The following MYZAP variants were observed in gnomAD, a reference collection of about 807,000 sequenced individuals.
MYZAP encodes the protein GRINL1A complex locus upstream.
A neutral mutation model predicts 69.4 loss-of-function variants in MYZAP; 66 were observed. That is an observed-to-expected ratio of 0.95 (90% CI 0.78 to 1.17). MYZAP has a LOEUF of 1.17. MYZAP is among the 50% of genes most tolerant of loss of function. MYZAP has a pLI of 0.00. For missense variants in MYZAP, 611 were observed against 556.2 expected (o/e 1.10, Z -0.99); for synonymous variants, 256 against 205.9 (o/e 1.24, Z -2.09).
intron 1 of MYZAP, chr15:57,599,573 C>G (rs2034282662): frequency 1.6e-6 from 2 of 1,286,220 alleles, no homozygotes; most frequent in African/African-American, 3.0e-5. Context: ...CCTGAACCAG[C>G]TGCTTTGGGA....
At chr15:57,593,188 G>GCATGCGCGCGCGCGCGCGCGCGCACACA in intron 1 of MYZAP, among the ~76,000 whole-genome samples, 8 of 114,152 alleles carry the variant, frequency 7.0e-5, no homozygotes, top group African/African-American at 2.7e-4. Context: ...GTACACAGGC[G>GCATGCGCGCGCGCGCGCGCGCGCACACA]CACACACACA....
At chr15:57,664,895 G>A (rs985081646) in intron 11 of MYZAP, among the ~76,000 whole-genome samples, 1 of 152,198 alleles carries the variant, frequency 6.6e-6, no homozygotes, top group African/African-American at 2.4e-5. Context: ...TCTCTGTGAA[G>A]TGGCATCCTC....
chr15:57,666,095 T>G (rs947633678), intron 11 of MYZAP, among the ~76,000 whole-genome samples: 1 of 152,244 alleles, frequency 6.6e-6, no homozygotes, highest in African/African-American at 2.4e-5. Flanking sequence ...AATTCTTTCT[T>G]AATTACTCAA....
chr15:57,637,230 T>C (rs1284983245), intron 8 of MYZAP, among the ~76,000 whole-genome samples: 1 of 152,230 alleles, frequency 6.6e-6, no homozygotes, highest in Non-Finnish European at 1.5e-5. Flanking sequence ...TGGACATCTT[T>C]GGAGGGCCAT....
intron 2 of MYZAP, among the ~76,000 whole-genome samples, chr15:57,612,926 G>A (rs1306242390): frequency 6.6e-6 from 1 of 151,916 alleles, no homozygotes. Flanking sequence ...CTTTAATTAA[G>A]CCTTTTATTT....
At position 57,608,797 on chromosome 15, in the gene MYZAP, G is replaced by A. The variant is rs914873994; in HGVS notation, c.162+4442G>A. ...ACCTTCTGGAGTTATTCTCCTGCCT[G>A]AAGCTGCCTGTCTTTATTTTCCAAA... On this transcript the variant is annotated intron_variant, in intron 2 of 12. Coordinates refer to ENST00000267853, the MANE Select transcript of MYZAP (RefSeq NM_001018100.5). 3.9e-5 allele frequency among the ~76,000 whole-genome samples: 6 copies of A among 152,302 alleles called. No homozygotes were observed. The East Asian group carries it at 9.7e-4, about 25-fold the overall frequency.
intron 10 of MYZAP, chr15:57,646,255 G>C (rs2037441355): frequency 1.4e-5 from 18 of 1,288,164 alleles, no homozygotes; most frequent in Non-Finnish European, 1.8e-5. Flanking sequence ...AAGAACACTT[G>C]TACACTCTCT....
chr15:57,675,082 T>A lies in MYZAP; in HGVS notation c.1304+14T>A, dbSNP rs1036329823. ...TCTTCTACCCAGGTATTTAGGAATT[T>A]CCTGATTTTTTTTTTTATTCAAATT... On this transcript the variant is annotated intron_variant, in intron 12 of 12. Transcript: ENST00000267853. 1 of 1,523,044 alleles carries A rather than the reference T, an allele frequency of 6.6e-7. No homozygotes were observed. Among genetic ancestry groups the A allele is most frequent in the African/African-American group, 1.5e-5 (1 of 65,306 alleles). 94.3% of individuals were successfully genotyped at this position (1,523,044 alleles called of 1,614,324 possible). A position where few individuals can be genotyped will look rare whatever the true frequency, so the allele number is the denominator to read the frequency against.
rs143998851 is a variant in MYZAP at position 57,611,182 on chromosome 15, C to G, written c.162+6827C>G. ...TGCCCACTGAAATTGGTGGTATGAT[C>G]CCCATTTTAGTGTTAAGGACCCTGA... On this transcript the variant is annotated intron_variant, in intron 2 of 12. Coordinates refer to ENST00000267853, the MANE Select transcript of MYZAP (RefSeq NM_001018100.5). Among the ~76,000 whole-genome samples the G allele has an allele frequency of 2.2e-3, 330 of 152,196 alleles. 2 individuals are homozygous for G. Among genetic ancestry groups the G allele is most frequent in the African/African-American group, 7.2e-3 (300 of 41,502 alleles).
At chr15:57,670,035 A>G (rs1292500851) in intron 11 of MYZAP, among the ~76,000 whole-genome samples, 3 of 152,224 alleles carry the variant, frequency 2.0e-5, no homozygotes, top group East Asian at 1.9e-4. Flanking sequence ...GACTTATTTT[A>G]TGGCTCAGCA....
intron 1 of MYZAP, among the ~76,000 whole-genome samples, chr15:57,594,868 A>G (rs2033952943): frequency 6.6e-6 from 1 of 152,228 alleles, no homozygotes; most frequent in Admixed American, 6.5e-5. Flanking sequence ...CCTTTCATTG[A>G]AAGTTGTTCA....
rs1326386407 is a variant in MYZAP, at chr15:57,604,286, A to C, written c.93A>C (p.Leu31=). 6.2e-7 allele frequency: 1 copy of C among 1,614,080 alleles called. No individual in the cohort carries two copies. The highest frequency in any genetic ancestry group is 8.5e-7 in the Non-Finnish European group (1 of 1,180,044). ...APSRRANVCR[L]RLTVPPESPV... Reference sequence around the variant, plus strand: ...TCTTCTAGGCAAATGTTTGCAGACTACGGCTGACCGTACCTCCTGAGAGTC... The same window carrying C: ...TCTTCTAGGCAAATGTTTGCAGACTCCGGCTGACCGTACCTCCTGAGAGTC... Residue 31 remains leucine (L), a synonymous_variant, in exon 2 of 13, where the codon CTA becomes CTC. Transcript: ENST00000267853.
At chr15:57,614,532 C>T (rs1043845531) in intron 2 of MYZAP, among the ~76,000 whole-genome samples, 1 of 149,490 alleles carries the variant, frequency 6.7e-6, no homozygotes, top group African/African-American at 2.5e-5. Flanking sequence ...ATCGAGGGAA[C>T]AGCATGTGTG....
Position 57,658,738 on chromosome 15 carries a change from G to A in MYZAP, c.1120-2712G>A, listed in dbSNP as rs79126530. 2.2e-4 allele frequency among the ~76,000 whole-genome samples: 33 copies of A among 152,292 alleles called. No homozygotes were observed. The East Asian group carries it at 5.8e-3, about 27-fold the overall frequency. ...GCCTGGTTATTCCACCTTGGGTGAT[G>A]CCAAGGCTGATAATGGAGTCAAGTG... is the stretch of plus-strand genomic sequence containing the variant. On this transcript the variant is annotated intron_variant, in intron 10 of 12. Transcript: ENST00000267853.
At chr15:57,624,732 A>G (rs2036023348) in intron 4 of MYZAP, among the ~76,000 whole-genome samples, 2 of 152,158 alleles carry the variant, frequency 1.3e-5, no homozygotes, top group African/African-American at 4.8e-5. Context: ...TCCTTCTCCA[A>G]GTCATCCTAC....
chr15:57,665,342 T>C (rs2038514985), intron 11 of MYZAP, among the ~76,000 whole-genome samples: 1 of 152,252 alleles, frequency 6.6e-6, no homozygotes, highest in Admixed American at 6.5e-5. Context: ...ATTTGCAGAA[T>C]TCATAGGAGT....
At chr15:57,632,338 C>T in intron 6 of MYZAP, 96 bp from the exon 7 acceptor site, 5 of 1,573,174 alleles carry the variant, frequency 3.2e-6, no homozygotes, top group Non-Finnish European at 3.5e-6. Flanking sequence ...GATGGGCTCA[C>T]TACCTCTGTG....
intron 10 of MYZAP, chr15:57,646,714 G>T (rs1181939987): frequency 1.0e-6 from 1 of 986,654 alleles, no homozygotes; most frequent in Non-Finnish European, 1.2e-6. Flanking sequence ...AGGTGGCCCT[G>T]AAGGTGTCCT....
At chr15:57,622,392 G>A (rs545692818) in intron 4 of MYZAP, among the ~76,000 whole-genome samples, 1 of 152,138 alleles carries the variant, frequency 6.6e-6, no homozygotes, top group South Asian at 2.1e-4. Flanking sequence ...AACAGGTTTT[G>A]TTTTTTATAA....
Sources: gnomAD v4.1 joint callset for allele counts (sites outside exome capture counted in the v4.1 genomes callset) on GRCh38, gnomAD v4.1.1 for gene constraint, MANE v1.5 for transcripts, NCBI Gene and HGNC (gene_info 2026-07-23, HGNC 2026-07-21) for gene names.